CPVL: variants seen among roughly 807,000 people sequenced by gnomAD.
The protein encoded by CPVL is probable serine carboxypeptidase CPVL.
CPVL carries 51 observed loss-of-function variants against 63.7 expected under a neutral mutation model. That is an observed-to-expected ratio of 0.80 (90% CI 0.64 to 1.01). The LOEUF (loss-of-function observed/expected upper bound fraction) is 1.01. Among genes scored for constraint, CPVL ranks in the 50% least tolerant of loss-of-function variants. The pLI is 0.00. For missense variants in CPVL, 530 were observed against 573.1 expected, an observed-to-expected ratio of 0.92 and a Z score of 0.77; for synonymous variants, 195 against 206.0, an observed-to-expected ratio of 0.95 and a Z score of 0.46.
At chr7:29,066,357 A>T (rs1783138537) in intron 9 of CPVL, among the ~76,000 whole-genome samples, 1 of 152,166 alleles carries the variant, frequency 6.6e-6, no homozygotes. Flanking sequence ...CTGGTGGGGG[A>T]CAACAAGCAT....
chr7:29,073,723 T>G (rs1175964124), intron 7 of CPVL, among the ~76,000 whole-genome samples: 2 of 152,210 alleles, frequency 1.3e-5, no homozygotes, highest in Non-Finnish European at 2.9e-5. Flanking sequence ...TTTTACTTAC[T>G]TATCTTATAT....
At chr7:29,102,264 G>A (rs909815460) in intron 3 of CPVL, among the ~76,000 whole-genome samples, 1 of 152,062 alleles carries the variant, frequency 6.6e-6, no homozygotes, top group Non-Finnish European at 1.5e-5. Flanking sequence ...TTTTAGAGTC[G>A]ATATATGCAC....
At chr7:29,071,633 G>A (rs947468098) in intron 9 of CPVL, 140 bp downstream of exon 9, 15 of 833,048 alleles carry the variant, frequency 1.8e-5, no homozygotes, top group African/African-American at 3.5e-5. Flanking sequence ...CACTCAACTC[G>A]CCTCCCGATC....
intron 12 of CPVL, among the ~76,000 whole-genome samples, chr7:29,025,170 C>T (rs529761224): frequency 6.6e-5 from 10 of 152,260 alleles, no homozygotes; most frequent in South Asian, 2.1e-4. Flanking sequence ...TATGCTACTG[C>T]GTTAGGCCAT....
chr7:29,070,542 G>A (rs1783634711), intron 9 of CPVL, among the ~76,000 whole-genome samples: 1 of 152,240 alleles, frequency 6.6e-6, no homozygotes, highest in Admixed American at 6.5e-5. Context: ...GTCATTGCAA[G>A]TGGAAGCATG....
intron 1 of CPVL, among the ~76,000 whole-genome samples, chr7:29,128,906 C>T (rs758252160): frequency 1.3e-5 from 2 of 151,866 alleles, no homozygotes; most frequent in East Asian, 3.9e-4. Context: ...TGTGGGTTGG[C>T]GGGCACAGTC....
chr7:29,130,321 C>T (rs752225132), intron 1 of CPVL, among the ~76,000 whole-genome samples: 3 of 152,206 alleles, frequency 2.0e-5, no homozygotes, highest in Non-Finnish European at 4.4e-5. Context: ...TCAAATATGT[C>T]TGGCATTATG....
chr7:29,147,154 AC>A, upstream of CPVL: 1 of 735,336 alleles, frequency 1.4e-6, no homozygotes, highest in Non-Finnish European at 2.1e-6. Context: ...ATTAGCCACC[AC>A]CAGGTGCTGG....
intron 4 of CPVL, among the ~76,000 whole-genome samples, chr7:29,182,060 G>A (rs1028493786): frequency 1.1e-4 from 17 of 152,108 alleles, no homozygotes; most frequent in Non-Finnish European, 1.8e-4. Context: ...TCAGTGCTCT[G>A]AAAGATGGAA....
chr7:29,175,962 A>G (rs753097651), intron 5 of CPVL, among the ~76,000 whole-genome samples: 4 of 152,108 alleles, frequency 2.6e-5, no homozygotes, highest in Non-Finnish European at 4.4e-5. Context: ...CGAGGCGGGA[A>G]GATCACAAGG....
In CPVL at chr7:29,095,129, GTC is replaced by G. The variant is rs1319204420; in HGVS notation, c.415_416del (p.Asp139LeufsTer13). 2.5e-6 allele frequency: 4 copies of G among 1,613,686 alleles called. No homozygotes were observed. In the Admixed American group the frequency reaches 5.0e-5, roughly 20 times the overall value. On this transcript the variant is annotated frameshift_variant, in exon 5 of 13. Transcript: ENST00000265394. ...TGGAGAGCGTTGTGGTCCAGGGGAAGTCTCTGTCACGCACTGTGAAAACAAAG... is the reference window on the plus strand; with the variant it reads ...TGGAGAGCGTTGTGGTCCAGGGGAAGTCTGTCACGCACTGTGAAAACAAAG... The part of the protein sequence containing the change: ...VTSNMTLRDR[D>X]FPWTTTLSML...
At chr7:29,082,527 A>G (rs535004938) in intron 7 of CPVL, 1 of 152,346 alleles carries the variant, frequency 6.6e-6, no homozygotes, top group South Asian at 2.1e-4. Context: ...AATATTCATA[A>G]TAAACCATCA....
At chr7:29,146,605 A>G (rs985757203), upstream of CPVL, 8 of 1,550,366 alleles carry the variant, frequency 5.2e-6, no homozygotes, top group African/African-American at 1.4e-5. Flanking sequence ...CCACAGGGCA[A>G]AAAGTGCGTC....
intron 12 of CPVL, among the ~76,000 whole-genome samples, chr7:29,014,590 C>T (rs1786213612): frequency 6.6e-6 from 1 of 152,120 alleles, no homozygotes; most frequent in African/African-American, 2.4e-5. Context: ...GATCCTCCCA[C>T]CTCAACCTCC....
intron 12 of CPVL, among the ~76,000 whole-genome samples, chr7:29,027,729 A>G (rs1787637434): frequency 6.6e-6 from 1 of 152,214 alleles, no homozygotes. Flanking sequence ...CCCATTTACA[A>G]TAGCTACAAA....
At chr7:29,103,248 GT>G (rs71555783) in intron 3 of CPVL, among the ~76,000 whole-genome samples, 26,665 of 95,574 alleles carry the variant, frequency 0.28, 2,929 homozygotes, top group Middle Eastern at 0.32. Flanking sequence ...TTGTTGTTTT[GT>G]TTTTTTTTTT....
At chr7:29,066,934 C>G (rs577170960) in intron 9 of CPVL, among the ~76,000 whole-genome samples, 7 of 152,210 alleles carry the variant, frequency 4.6e-5, no homozygotes, top group Admixed American at 1.3e-4. Context: ...GAGCTTTGGG[C>G]TTGGAAATGT....
At chr7:29,052,426 T>A (rs905986865) in intron 11 of CPVL, among the ~76,000 whole-genome samples, 2 of 99,970 alleles carry the variant, frequency 2.0e-5, no homozygotes, top group Admixed American at 1.2e-4. Context: ...TAAAATGAAA[T>A]GAAGATTCAG....
At chr7:29,194,639 C>A (rs562031075) in intron 1 of CPVL, 1 of 309,708 alleles carries the variant, frequency 3.2e-6, no homozygotes, top group Non-Finnish European at 5.8e-6. Flanking sequence ...CGGCGGGAGC[C>A]GAGATCCGCC....
Sources: gnomAD v4.1 joint callset for allele counts (sites outside exome capture counted in the v4.1 genomes callset) on GRCh38, gnomAD v4.1.1 for gene constraint, MANE v1.5 for transcripts, NCBI Gene and HGNC (gene_info 2026-07-23, HGNC 2026-07-21) for gene names.